APOL3: variants seen among roughly 807,000 people sequenced by gnomAD.
APOL3 encodes the protein apolipoprotein L3, also known as TNF-inducible protein CG12-1.
In APOL3, 14 loss-of-function variants were observed where a neutral mutation model predicts 11.6. That is an observed-to-expected ratio of 1.21 (90% CI 0.80 to 1.89). The LOEUF (loss-of-function observed/expected upper bound fraction) is 1.89, where lower values mean the gene tolerates loss of function less well. Ranked by LOEUF, APOL3 falls within the 40% of genes most tolerant of loss-of-function variation. APOL3 has a pLI of 0.00. For missense variants in APOL3, 483 were observed against 492.1 expected (o/e 0.98, Z 0.17); for synonymous variants, 192 against 190.6 (o/e 1.01, Z -0.06).
At chr22:36,163,166 T>C (rs1603476145), upstream of APOL3, among the ~76,000 whole-genome samples, 1 of 152,240 alleles carries the variant, frequency 6.6e-6, no homozygotes. Context: ...AGAGGCAAAA[T>C]GGTTTCTTAT....
chr22:36,165,956 G>T (rs562193318), exon 1 of APOL3: 3 of 152,196 alleles, frequency 2.0e-5, no homozygotes, highest in Non-Finnish European at 4.4e-5. Context: ...GCCCACCTAA[G>T]TTTAGCCCCA....
chr22:36,144,919 G>A (rs1269302971), intron 2 of APOL3, among the ~76,000 whole-genome samples: 1 of 149,986 alleles, frequency 6.7e-6, no homozygotes, highest in Non-Finnish European at 1.5e-5. Flanking sequence ...GCTGGGGCAG[G>A]AGAATGGCGT....
rs1269120878 is a variant in APOL3, at chr22:36,149,128, T to G, written c.224-3529A>C. On this transcript the variant is annotated intron_variant, in intron 1 of 2. Transcript: ENST00000349314. ...TCACTGACCTGACTGGAAGGGTTCG[T>G]TTTTTTTCTTAACCCTTGAGGAGGA... is the stretch of plus-strand genomic sequence containing the variant. 5.1e-6 allele frequency: 7 copies of G among 1,366,842 alleles called. No individual in the cohort carries two copies. The East Asian group carries it at 2.3e-4, about 44-fold the overall frequency. The allele number at this position is 1,366,842 out of a possible 1,614,324, so 84.7% of individuals were successfully genotyped here. A position where few individuals can be genotyped will look rare whatever the true frequency, so the allele number is the denominator to read the frequency against.
At chr22:36,148,842 C>A (rs1042074833) in intron 1 of APOL3, among the ~76,000 whole-genome samples, 24 of 152,192 alleles carry the variant, frequency 1.6e-4, no homozygotes, top group African/African-American at 5.8e-4. Flanking sequence ...GGGCCATGCT[C>A]CCCTGAGGAG....
intron 1 of APOL3, among the ~76,000 whole-genome samples, chr22:36,153,095 G>C (rs1214598367): frequency 6.6e-6 from 1 of 151,554 alleles, no homozygotes; most frequent in Non-Finnish European, 1.5e-5. Context: ...TGGGCAACAA[G>C]AGTGAAATTC....
At chr22:36,142,709 A>T (rs983816234) in intron 2 of APOL3, among the ~76,000 whole-genome samples, 3 of 152,200 alleles carry the variant, frequency 2.0e-5, no homozygotes, top group Non-Finnish European at 4.4e-5. Flanking sequence ...GTCAGCCATC[A>T]GGACAGCTTG....
intron 2 of APOL3, among the ~76,000 whole-genome samples, chr22:36,143,967 A>G (rs2060094270): frequency 6.6e-6 from 1 of 152,184 alleles, no homozygotes. Context: ...AGAACCCTTC[A>G]AATTACCCAG....
chr22:36,144,185 G>A (rs1407832968), intron 2 of APOL3, among the ~76,000 whole-genome samples: 1 of 152,006 alleles, frequency 6.6e-6, no homozygotes, highest in Non-Finnish European at 1.5e-5. Context: ...CCACTCACTG[G>A]TCCTCTGCAA....
chr22:36,158,588 G>A (rs960946001), intron 1 of APOL3, among the ~76,000 whole-genome samples: 2 of 152,198 alleles, frequency 1.3e-5, no homozygotes, highest in African/African-American at 2.4e-5. Context: ...GGGTGGCGGA[G>A]GTGGGTGGAT....
intron 1 of APOL3, among the ~76,000 whole-genome samples, chr22:36,151,914 G>C (rs747831504): frequency 2.6e-5 from 4 of 152,104 alleles, no homozygotes; most frequent in Non-Finnish European, 4.4e-5. Flanking sequence ...TCTGTTAAAA[G>C]AAAAACAAGT....
chr22:36,149,773 G>A (rs762906635), intron 1 of APOL3: 2 of 453,194 alleles, frequency 4.4e-6, no homozygotes, highest in Admixed American at 4.7e-5. Flanking sequence ...ATGCATACAT[G>A]CTTATTGTAA....
At chr22:36,160,400 G>A (rs1205496308) in intron 1 of APOL3, among the ~76,000 whole-genome samples, 16 of 152,226 alleles carry the variant, frequency 1.1e-4, no homozygotes, top group Non-Finnish European at 1.5e-5. Flanking sequence ...GTCTCACGCA[G>A]GCTGGAACTA....
At position 36,160,839 on chromosome 22, in the gene APOL3, A is replaced by T. The variant is rs778043155; in HGVS notation, c.53T>A (p.Ile18Asn). 3.1e-6 allele frequency: 5 copies of T among 1,611,934 alleles called. No individual in the cohort carries two copies. The South Asian group carries it at 5.5e-5, about 18-fold the overall frequency. ...AGTCACAACTTGGCAGCAGCTCCTG[A>T]TCAAACATGCAAAACAGGATGCTTC... The change falls in exon 1 of 3, where the codon ATC becomes AAC. Residue 18 changes from isoleucine (I) to asparagine (N), a missense_variant. By Grantham distance (149) the Ile-to-Asn change is moderately radical. Coordinates refer to ENST00000349314, the Ensembl canonical transcript of APOL3.
chr22:36,142,998 C>A (rs2060057447), intron 2 of APOL3, among the ~76,000 whole-genome samples: 2 of 152,184 alleles, frequency 1.3e-5, no homozygotes, highest in African/African-American at 2.4e-5. Context: ...GCTTGTTAGG[C>A]CAGTTTAGCA....
chr22:36,163,968 ATAGT>A (rs2013796863), upstream of APOL3, among the ~76,000 whole-genome samples: 2 of 152,200 alleles, frequency 1.3e-5, no homozygotes, highest in South Asian at 2.1e-4. Context: ...TTGGATTGTT[ATAGT>A]TATTCTCATA....
intron 2 of APOL3, among the ~76,000 whole-genome samples, chr22:36,143,732 T>C (rs553515553): frequency 6.6e-6 from 1 of 152,334 alleles, no homozygotes; most frequent in Non-Finnish European, 1.5e-5. Flanking sequence ...ACCTCCAAGC[T>C]TCAGGGTCTC....
chr22:36,158,733 A>G (rs2013307901), intron 1 of APOL3, among the ~76,000 whole-genome samples: 1 of 152,034 alleles, frequency 6.6e-6, no homozygotes, highest in Non-Finnish European at 1.5e-5. Context: ...CTGGAGAATC[A>G]CTTGAACCCA....
chr22:36,157,684 A>T (rs1336539944), intron 1 of APOL3, among the ~76,000 whole-genome samples: 3 of 152,252 alleles, frequency 2.0e-5, no homozygotes, highest in African/African-American at 7.2e-5. Flanking sequence ...GGTTTGCAAT[A>T]CTTAAAGCAA....
intron 1 of APOL3, among the ~76,000 whole-genome samples, chr22:36,157,820 C>A (rs1405675064): frequency 6.6e-6 from 1 of 152,052 alleles, no homozygotes; most frequent in Non-Finnish European, 1.5e-5. Flanking sequence ...CAGGCCAAGG[C>A]GGGTGGATCA....
Sources: gnomAD v4.1 joint callset for allele counts (sites outside exome capture counted in the v4.1 genomes callset) on GRCh38, gnomAD v4.1.1 for gene constraint, MANE v1.5 for transcripts, NCBI Gene and HGNC (gene_info 2026-07-23, HGNC 2026-07-21) for gene names.